The following HS3ST4 variants were observed in gnomAD, a reference collection of about 807,000 sequenced individuals.
HS3ST4 encodes the protein heparan sulfate glucosamine 3-O-sulfotransferase 4.
Under a neutral mutation model 29.2 loss-of-function variants are expected in HS3ST4, and 17 were observed. The observed-to-expected ratio is 0.58, with a 90% CI of 0.40 to 0.87. The LOEUF (loss-of-function observed/expected upper bound fraction) is 0.87. HS3ST4 is among the 40% of genes least tolerant of loss of function. HS3ST4 has a pLI of 0.00. For synonymous variants in HS3ST4, 314 were observed against 285.7 expected (o/e 1.10, Z -1.00); for missense variants, 627 against 634.5 (o/e 0.99, Z 0.13).
chr16:26,120,093 A>ATGTGTGTGTGTGTGTGTGTG lies in HS3ST4; in HGVS notation c.735-15518_735-15517insGTGTGTGTGTGTGTGTGTGT, dbSNP rs1567316680. 2.3e-3 allele frequency among the ~76,000 whole-genome samples: 139 copies of ATGTGTGTGTGTGTGTGTGTG among 60,742 alleles called. 1 individual carries two copies. The highest frequency in any genetic ancestry group is 0.019 in the Admixed American group (117 of 6,218). 39.8% of individuals were successfully genotyped at this position (60,742 alleles called of 152,430 possible). ...TGTATGTGTGTGTGTGTGTGTGTGT[A>ATGTGTGTGTGTGTGTGTGTG]TATGTGTGTGACAGATACTCTACAG... On this transcript the variant is annotated intron_variant, in intron 1 of 1. Coordinates refer to ENST00000331351, the MANE Select transcript of HS3ST4 (RefSeq NM_006040.3).
At chr16:26,097,203 T>A (rs9746540) in intron 1 of HS3ST4, among the ~76,000 whole-genome samples, 76,637 of 151,664 alleles carry the variant, frequency 0.51, 19,603 homozygotes, top group Middle Eastern at 0.6. Flanking sequence ...AAGCTACCAA[T>A]GACTTTATTC....
intron 1 of HS3ST4, among the ~76,000 whole-genome samples, chr16:26,086,565 G>T (rs1206720880): frequency 6.6e-6 from 1 of 152,030 alleles, no homozygotes; most frequent in Non-Finnish European, 1.5e-5. Context: ...TAGCCAGGAT[G>T]GTCTTGATCT....
intron 1 of HS3ST4, among the ~76,000 whole-genome samples, chr16:25,768,806 A>C (rs1384776854): frequency 6.6e-6 from 1 of 152,132 alleles, no homozygotes; most frequent in East Asian, 1.9e-4. Context: ...ATATTTTAAA[A>C]TTGGGAGATG....
chr16:26,118,762 G>A (rs1899232482), intron 1 of HS3ST4, among the ~76,000 whole-genome samples: 1 of 152,128 alleles, frequency 6.6e-6, no homozygotes, highest in African/African-American at 2.4e-5. Flanking sequence ...GTCCCTGCAG[G>A]GAAAGGAATG....
intron 1 of HS3ST4, among the ~76,000 whole-genome samples, chr16:25,766,676 T>C (rs1290425196): frequency 6.6e-6 from 1 of 152,208 alleles, no homozygotes; most frequent in African/African-American, 2.4e-5. Context: ...GGTGATACAA[T>C]GATGAAAAAC....
intron 1 of HS3ST4, among the ~76,000 whole-genome samples, chr16:25,957,634 G>A (rs1376864939): frequency 6.6e-6 from 1 of 152,172 alleles, no homozygotes; most frequent in African/African-American, 2.4e-5. Flanking sequence ...GGCCAGGCTG[G>A]TCTTGAACTC....
rs529513488 is a variant in HS3ST4, at chr16:25,811,680, G to A, written c.734+118529G>A. 2.2e-4 allele frequency among the ~76,000 whole-genome samples: 34 copies of A among 152,052 alleles called. 1 individual carries two copies. In the South Asian group the frequency reaches 6.0e-3, roughly 27 times the overall value. On this transcript the variant is annotated intron_variant, in intron 1 of 1. Coordinates refer to ENST00000331351, the MANE Select transcript of HS3ST4 (RefSeq NM_006040.3). Reference sequence around the variant, plus strand: ...ACTCCCAACCTCAGGTGATACCCCCGCCTCGGCCTCCCAAAGTGCTGGGAT... The same window carrying A: ...ACTCCCAACCTCAGGTGATACCCCCACCTCGGCCTCCCAAAGTGCTGGGAT...
chr16:25,911,292 T>G (rs1290812627), intron 1 of HS3ST4, among the ~76,000 whole-genome samples: 2 of 151,986 alleles, frequency 1.3e-5, no homozygotes, highest in Non-Finnish European at 2.9e-5. Context: ...TATTAACAGG[T>G]GCCTGCAGAA....
At chr16:25,729,797 T>C (rs1179541218) in intron 1 of HS3ST4, among the ~76,000 whole-genome samples, 2 of 152,168 alleles carry the variant, frequency 1.3e-5, no homozygotes, top group Admixed American at 1.3e-4. Flanking sequence ...TGATTTTTGC[T>C]TGAAGTGGTT....
intron 1 of HS3ST4, among the ~76,000 whole-genome samples, chr16:25,712,787 C>G (rs546540503): frequency 6.6e-5 from 10 of 152,138 alleles, no homozygotes; most frequent in African/African-American, 2.4e-4. Flanking sequence ...AGAGTGTATT[C>G]GCTTGATAGG....
chr16:25,777,461 G>T (rs1478288915), intron 1 of HS3ST4, among the ~76,000 whole-genome samples: 1 of 152,048 alleles, frequency 6.6e-6, no homozygotes, highest in Admixed American at 6.6e-5. Flanking sequence ...GTCCGTGTGT[G>T]TGTGCATAAG....
intron 1 of HS3ST4, among the ~76,000 whole-genome samples, chr16:25,699,411 G>A (rs1016576997): frequency 4.6e-5 from 7 of 152,170 alleles, no homozygotes; most frequent in South Asian, 2.1e-4. Flanking sequence ...CTCAATTAAC[G>A]TTCTCTTGAA....
At chr16:25,859,538 C>G (rs1967616715) in intron 1 of HS3ST4, among the ~76,000 whole-genome samples, 1 of 152,182 alleles carries the variant, frequency 6.6e-6, no homozygotes, top group Non-Finnish European at 1.5e-5. Context: ...TGTGAAATAA[C>G]AAGACTAAAT....
At chr16:25,709,422 GATCTGGTT>G (rs1347223709) in intron 1 of HS3ST4, among the ~76,000 whole-genome samples, 1 of 152,102 alleles carries the variant, frequency 6.6e-6, no homozygotes, top group East Asian at 1.9e-4. Flanking sequence ...GAGGCCCCTG[GATCTGGTT>G]ATCAAAGACA....
At chr16:26,135,235 C>T (rs1898265984) in intron 1 of HS3ST4, among the ~76,000 whole-genome samples, 1 of 152,162 alleles carries the variant, frequency 6.6e-6, no homozygotes. Context: ...GCTTTTTGAG[C>T]ATTATCTCCC....
intron 1 of HS3ST4, among the ~76,000 whole-genome samples, chr16:25,857,180 T>C (rs1028717720): frequency 3.3e-5 from 5 of 152,190 alleles, no homozygotes; most frequent in Admixed American, 1.3e-4. Flanking sequence ...TGATAATTTG[T>C]CAGAATTACC....
intron 1 of HS3ST4, among the ~76,000 whole-genome samples, chr16:26,038,918 C>T (rs1361376532): frequency 1.3e-5 from 2 of 151,958 alleles, no homozygotes; most frequent in Non-Finnish European, 2.9e-5. Context: ...CTCCTGACCT[C>T]GTGATCCACC....
chr16:26,065,830 C>G (rs1243956669), intron 1 of HS3ST4, among the ~76,000 whole-genome samples: 1 of 152,206 alleles, frequency 6.6e-6, no homozygotes, highest in African/African-American at 2.4e-5. Context: ...AAGTGAATCA[C>G]ACCTTAGACT....
chr16:26,067,078 T>C (rs1898551474), intron 1 of HS3ST4, among the ~76,000 whole-genome samples: 1 of 152,184 alleles, frequency 6.6e-6, no homozygotes, highest in Non-Finnish European at 1.5e-5. Flanking sequence ...TTAAGCACCA[T>C]TTTTTAGGCT....
Sources: gnomAD v4.1 joint callset for allele counts (sites outside exome capture counted in the v4.1 genomes callset) on GRCh38, gnomAD v4.1.1 for gene constraint, MANE v1.5 for transcripts, NCBI Gene and HGNC (gene_info 2026-07-23, HGNC 2026-07-21) for gene names.